Variants in SCN11A observed in about 807,000 individuals in gnomAD.
The protein encoded by SCN11A is sodium voltage-gated channel alpha subunit 11.
Under a neutral mutation model 162.2 loss-of-function variants are expected in SCN11A, and 122 were observed. That is an observed-to-expected ratio of 0.75 (90% CI 0.65 to 0.87). SCN11A has a LOEUF of 0.87. SCN11A is among the 40% of genes least tolerant of loss of function. The pLI is 0.00. For synonymous variants in SCN11A, 758 were observed against 751.5 expected (o/e 1.01, Z -0.14); for missense variants, 2,015 against 2,181.6 (o/e 0.92, Z 1.52).
At chr3:38,879,620 AAG>A (rs1399785413) in intron 23 of SCN11A, among the ~76,000 whole-genome samples, 1 of 152,190 alleles carries the variant, frequency 6.6e-6, no homozygotes, top group East Asian at 1.9e-4. Flanking sequence ...AGAAAGTTGG[AAG>A]AAGAAAAAAT....
chr3:39,017,830 G>A (rs543729202), intron 2 of SCN11A, among the ~76,000 whole-genome samples: 33 of 152,008 alleles, frequency 2.2e-4, no homozygotes, highest in Non-Finnish European at 3.8e-4. Flanking sequence ...GGTTTTGATT[G>A]AACAATTTAT....
chr3:39,033,832 A>G (rs2031828038), intron 1 of SCN11A, among the ~76,000 whole-genome samples: 1 of 152,200 alleles, frequency 6.6e-6, no homozygotes, highest in African/African-American at 2.4e-5. Flanking sequence ...CTATTTACAT[A>G]GCATTTACAT....
intron 7 of SCN11A, among the ~76,000 whole-genome samples, chr3:38,940,512 C>G (rs2066425235): frequency 6.6e-6 from 1 of 152,086 alleles, no homozygotes; most frequent in African/African-American, 2.4e-5. Context: ...AAAGAAAGTC[C>G]AGAAATAGAT....
chr3:39,031,353 C>G (rs1448867931), intron 2 of SCN11A, among the ~76,000 whole-genome samples: 2 of 151,926 alleles, frequency 1.3e-5, no homozygotes, highest in Non-Finnish European at 2.9e-5. Context: ...CGGTGAAACC[C>G]CATCTCTACT....
chr3:38,957,592 T>C (rs1285206524), intron 3 of SCN11A, among the ~76,000 whole-genome samples: 1 of 152,144 alleles, frequency 6.6e-6, no homozygotes, highest in Non-Finnish European at 1.5e-5. Context: ...TGCAAGACCT[T>C]CATGAGCCCA....
intron 22 of SCN11A, among the ~76,000 whole-genome samples, chr3:38,882,019 G>A (rs1189265754): frequency 6.6e-6 from 1 of 152,172 alleles, no homozygotes; most frequent in African/African-American, 2.4e-5. Context: ...CTACACTTGA[G>A]TAACAGTAGA....
At chr3:39,038,492 A>G (rs1430455155) in intron 1 of SCN11A, among the ~76,000 whole-genome samples, 1 of 152,250 alleles carries the variant, frequency 6.6e-6, no homozygotes, top group Admixed American at 6.5e-5. Context: ...TTGGTTGCCC[A>G]ACACCAATAT....
chr3:38,870,174 A>G (rs2065102173), intron 26 of SCN11A, among the ~76,000 whole-genome samples: 1 of 152,204 alleles, frequency 6.6e-6, no homozygotes. Context: ...AACTTTGGGA[A>G]TCTGTGATTA....
At chr3:38,934,270 A>G (rs913807743) in intron 7 of SCN11A, among the ~76,000 whole-genome samples, 3 of 152,268 alleles carry the variant, frequency 2.0e-5, no homozygotes, top group Non-Finnish European at 4.4e-5. Context: ...TTGCAAAATC[A>G]TGCCAAATTG....
chr3:38,850,503 C>T lies in SCN11A; in HGVS notation c.4305G>A (p.Val1435=), dbSNP rs1243200959. ...FTNGWNLFDC[V]VVLLSIVSTM... ...TACTAACAATGGAAAGAAGCACGAC[C>T]ACACAGTCAAATAAATTCCAGCCAT... is the stretch of plus-strand genomic sequence containing the variant. Residue 1435 remains valine, a synonymous_variant, in exon 29 of 30, where the codon GTG becomes GTA. Coordinates refer to ENST00000302328, the MANE Select transcript of SCN11A (RefSeq NM_001349253.2). The T allele has an allele frequency of 6.2e-7, 1 of 1,613,484 alleles. No individual in the cohort carries two copies. The highest frequency in any genetic ancestry group is 2.2e-5 in the East Asian group (1 of 44,814).
intron 1 of SCN11A, among the ~76,000 whole-genome samples, chr3:39,035,188 T>C (rs1016021052): frequency 3.9e-5 from 6 of 152,178 alleles, no homozygotes; most frequent in Admixed American, 3.9e-4. Context: ...ATTACCTGAC[T>C]TCAAATTATA....
intron 21 of SCN11A, among the ~76,000 whole-genome samples, chr3:38,883,665 TA>T (rs1413788625): frequency 2.0e-5 from 3 of 152,118 alleles, no homozygotes; most frequent in African/African-American, 7.2e-5. Flanking sequence ...GCCATCTCCA[TA>T]AAAAAAGGCA....
intron 7 of SCN11A, among the ~76,000 whole-genome samples, chr3:38,929,062 A>G (rs2066191646): frequency 6.6e-6 from 1 of 151,634 alleles, no homozygotes; most frequent in South Asian, 2.1e-4. Flanking sequence ...TAAGTAGACA[A>G]TCTCCTAAAA....
chr3:39,042,957 C>CAAAAAAAAAAA (rs561204433), intron 1 of SCN11A, among the ~76,000 whole-genome samples: 18 of 66,008 alleles, frequency 2.7e-4, no homozygotes, highest in Non-Finnish European at 5.0e-4. Context: ...AACTCCATCT[C>CAAAAAAAAAAA]AAAAAAAAAA....
intron 17 of SCN11A, 37 bp from the exon 18 acceptor site, chr3:38,897,262 G>A (rs1449234990): frequency 6.4e-7 from 1 of 1,554,250 alleles, no homozygotes; most frequent in South Asian, 1.3e-5. Context: ...TGGAAGAAAA[G>A]CCAGTTAAGG....
intron 1 of SCN11A, among the ~76,000 whole-genome samples, chr3:39,036,936 A>G (rs1230881461): frequency 6.6e-6 from 1 of 152,224 alleles, no homozygotes; most frequent in Non-Finnish European, 1.5e-5. Context: ...GAAACTGAAA[A>G]TAGAACTACT....
At chr3:38,962,111 T>G (rs975969921) in intron 2 of SCN11A, among the ~76,000 whole-genome samples, 9 of 152,262 alleles carry the variant, frequency 5.9e-5, no homozygotes, top group South Asian at 2.1e-4. Flanking sequence ...CAGCACCATT[T>G]GTTGAAAAGG....
intron 3 of SCN11A, among the ~76,000 whole-genome samples, chr3:38,958,909 A>C (rs1352221427): frequency 6.6e-6 from 1 of 152,238 alleles, no homozygotes; most frequent in Non-Finnish European, 1.5e-5. Flanking sequence ...ATCTAGAATG[A>C]AGGTGGATTA....
intron 21 of SCN11A, 74 bp from the exon 22 acceptor site, chr3:38,883,461 T>C: frequency 6.9e-7 from 1 of 1,441,080 alleles, no homozygotes; most frequent in Admixed American, 2.0e-5. Context: ...CTTCACCCCT[T>C]TCTGTGTTCA....
Sources: allele counts gnomAD v4.1 joint callset (sites outside exome capture counted in the v4.1 genomes callset), GRCh38; gene constraint gnomAD v4.1.1; transcripts MANE v1.5; gene names NCBI Gene and HGNC (gene_info 2026-07-23, HGNC 2026-07-21).